Variants in CSMD2 observed in about 807,000 individuals in gnomAD.
CSMD2 encodes the protein CUB and sushi domain-containing protein 2.
CSMD2 carries 130 observed loss-of-function variants against 398.5 expected under a neutral mutation model. The observed-to-expected ratio is 0.33, with a 90% CI of 0.28 to 0.38. CSMD2 has a LOEUF of 0.38. Ranked by LOEUF, CSMD2 falls within the 10% of genes least tolerant of loss-of-function variation. The pLI, the probability that CSMD2 is intolerant of heterozygous loss-of-function variation, is 1.00. For synonymous variants in CSMD2, 1,828 were observed against 1,908.5 expected, an observed-to-expected ratio of 0.96 and a Z score of 1.10; for missense variants, 3,829 against 4,764.9, an observed-to-expected ratio of 0.80 and a Z score of 5.78.
chr1:33,669,620 C>A (rs1041327741), intron 25 of CSMD2, among the ~76,000 whole-genome samples: 1 of 152,218 alleles, frequency 6.6e-6, no homozygotes, highest in African/African-American at 2.4e-5. Flanking sequence ...TGGCCCCATG[C>A]CACTTGTAGC....
At chr1:34,009,054 C>T (rs961582327) in intron 3 of CSMD2, among the ~76,000 whole-genome samples, 7 of 152,118 alleles carry the variant, frequency 4.6e-5, no homozygotes, top group Non-Finnish European at 7.4e-5. Flanking sequence ...ACCACACAAA[C>T]TCACCCATCC....
intron 3 of CSMD2, among the ~76,000 whole-genome samples, chr1:33,972,099 G>A (rs1328459377): frequency 6.6e-6 from 1 of 152,148 alleles, no homozygotes; most frequent in Admixed American, 6.5e-5. Context: ...GCGGGAGTAG[G>A]TGGTGGGAAA....
chr1:33,869,247 G>C (rs1183283168), intron 5 of CSMD2: 1 of 152,154 alleles, frequency 6.6e-6, no homozygotes, highest in Non-Finnish European at 1.5e-5. Context: ...TTACCCCTCT[G>C]CCCCTCTAAA....
intron 9 of CSMD2, 108 bp downstream of exon 9, chr1:33,819,605 G>A (rs938227193): frequency 1.1e-5 from 10 of 948,224 alleles, no homozygotes; most frequent in Admixed American, 2.4e-5. Context: ...AGGGGGGAGG[G>A]GAGCCAGTCT....
In CSMD2 at chr1:33,962,168, C is replaced by T. The variant is rs139921096; in HGVS notation, c.518-26214G>A. On this transcript the variant is annotated intron_variant, in intron 3 of 70. Transcript: ENST00000373381. ...TTTGCCCAGGACTCGTACTGCAGGG[C>T]CAGCAGCCTCACTCACAGTTGACAT... Among the ~76,000 whole-genome samples the T allele has an allele frequency of 5.6e-3, 860 of 152,280 alleles. 11 individuals carry two copies. Among genetic ancestry groups the T allele is most frequent in the African/African-American group, 0.019 (806 of 41,556 alleles).
In CSMD2 at chr1:33,963,254, C is replaced by T. The variant is rs1645432358; in HGVS notation, c.518-27300G>A. ...CCTCACTGCATCTGCTCTTCTGCAC[C>T]TTGACAGCCCATTGGAATCTCTGAG... is the stretch of plus-strand genomic sequence containing the variant. On this transcript the variant is annotated intron_variant, in intron 3 of 70. Transcript: ENST00000373381. Among the ~76,000 whole-genome samples, 9 of 152,222 alleles carry T rather than the reference C, an allele frequency of 5.9e-5. No individual in the cohort carries two copies. The South Asian group carries it at 1.9e-3, about 32-fold the overall frequency.
In CSMD2 at chr1:34,070,043, G is replaced by A. The variant is rs552897549; in HGVS notation, c.404+18934C>T. Among the ~76,000 whole-genome samples the A allele has an allele frequency of 1.6e-4, 25 of 152,288 alleles. No homozygotes were observed. In the South Asian group the frequency reaches 2.9e-3, roughly 18 times the overall value. On this transcript the variant is annotated intron_variant, in intron 2 of 70. Transcript: ENST00000373381. ...ATCAATCAAACAAAGAAAATTGCAG[G>A]TTTGAAGCTTTAATTAAATCTATCC...
chr1:33,930,131 T>G (rs1644264883), intron 4 of CSMD2, among the ~76,000 whole-genome samples: 2 of 152,238 alleles, frequency 1.3e-5, no homozygotes, highest in Non-Finnish European at 2.9e-5. Context: ...TTTGGCACTG[T>G]ATAGGCAGTC....
intron 2 of CSMD2, among the ~76,000 whole-genome samples, chr1:34,077,118 GA>G (rs1253323030): frequency 6.6e-6 from 1 of 150,948 alleles, no homozygotes; most frequent in African/African-American, 2.4e-5. Context: ...CCTTTTGTTG[GA>G]ACGCATCCAT....
chr1:33,535,816 G>A (rs1410816443), intron 62 of CSMD2, among the ~76,000 whole-genome samples: 1 of 152,160 alleles, frequency 6.6e-6, no homozygotes, highest in African/African-American at 2.4e-5. Context: ...ATGTCACCCT[G>A]CTCTGCACAG....
intron 1 of CSMD2, among the ~76,000 whole-genome samples, chr1:34,117,486 A>G (rs923500068): frequency 2.6e-5 from 4 of 152,174 alleles, no homozygotes; most frequent in African/African-American, 9.7e-5. Context: ...TACAAAGAAA[A>G]GCCCAGGACC....
chr1:33,832,114 G>A (rs1402138272), intron 6 of CSMD2, among the ~76,000 whole-genome samples: 1 of 127,086 alleles, frequency 7.9e-6, no homozygotes, highest in East Asian at 2.6e-4. Flanking sequence ...GAGACAGAAA[G>A]TTAACAAGGA....
chr1:33,539,537 T>C (rs1279412728), intron 60 of CSMD2, among the ~76,000 whole-genome samples: 1 of 152,138 alleles, frequency 6.6e-6, no homozygotes, highest in Non-Finnish European at 1.5e-5. Flanking sequence ...TTCTAGAAAA[T>C]GTATACATAT....
At chr1:34,058,851 CG>C (rs1382776273) in intron 2 of CSMD2, among the ~76,000 whole-genome samples, 1 of 152,154 alleles carries the variant, frequency 6.6e-6, no homozygotes, top group African/African-American at 2.4e-5. Context: ...GACATGAAGC[CG>C]TTTTACAAGC....
upstream of CSMD2, chr1:34,165,417 T>C (rs567075048): frequency 1.4e-5 from 10 of 736,096 alleles, no homozygotes; most frequent in Middle Eastern, 4.4e-4. Flanking sequence ...GGATAAAATA[T>C]TGGGGGGCGG....
At chr1:33,879,206 T>G (rs557261058) in intron 5 of CSMD2, among the ~76,000 whole-genome samples, 1 of 152,264 alleles carries the variant, frequency 6.6e-6, no homozygotes, top group South Asian at 2.1e-4. Context: ...TATGAGCCCC[T>G]TTTCCACTTG....
chr1:33,754,093 T>C (rs1352538300), intron 13 of CSMD2, among the ~76,000 whole-genome samples: 1 of 152,168 alleles, frequency 6.6e-6, no homozygotes, highest in Non-Finnish European at 1.5e-5. Context: ...TATTTTACAA[T>C]GTGAAAAGGA....
chr1:34,010,819 C>T (rs1290902286), intron 3 of CSMD2, among the ~76,000 whole-genome samples: 1 of 152,072 alleles, frequency 6.6e-6, no homozygotes, highest in Non-Finnish European at 1.5e-5. Flanking sequence ...GAGGTTTCAC[C>T]GTGTTAGCCT....
intron 15 of CSMD2, among the ~76,000 whole-genome samples, chr1:33,726,988 G>A (rs149018203): frequency 3.4e-4 from 51 of 152,160 alleles, no homozygotes; most frequent in African/African-American, 1.0e-3. Flanking sequence ...TTTTTCCTTC[G>A]TTCCTCACTC....
Sources: gnomAD v4.1 joint callset for allele counts (sites outside exome capture counted in the v4.1 genomes callset) on GRCh38, gnomAD v4.1.1 for gene constraint, MANE v1.5 for transcripts, NCBI Gene and HGNC (gene_info 2026-07-23, HGNC 2026-07-21) for gene names.